Variants in PLD1 observed in about 807,000 individuals in gnomAD.
PLD1 encodes choline phosphatase 1.
PLD1 carries 112 observed loss-of-function variants against 137.1 expected under a neutral mutation model. The ratio of observed to expected loss-of-function variants is 0.82; its 90% CI spans 0.70 to 0.96. The LOEUF is 0.96. Ranked by LOEUF, PLD1 falls within the 40% of genes least tolerant of loss-of-function variation. The pLI, the probability that PLD1 is intolerant of heterozygous loss-of-function variation, is 0.00. For missense variants in PLD1, 1,321 were observed against 1,342.0 expected, an observed-to-expected ratio of 0.98 and a Z score of 0.24; for synonymous variants, 431 against 454.7, an observed-to-expected ratio of 0.95 and a Z score of 0.66.
At chr3:171,762,980 A>C (rs1255669056) in intron 1 of PLD1, among the ~76,000 whole-genome samples, 3 of 152,162 alleles carry the variant, frequency 2.0e-5, no homozygotes, top group African/African-American at 7.2e-5. Flanking sequence ...GTCATTTTGG[A>C]TTCTAATTCT....
At chr3:171,678,716 T>C (rs552538824) in intron 16 of PLD1, among the ~76,000 whole-genome samples, 13 of 152,318 alleles carry the variant, frequency 8.5e-5, no homozygotes, top group Admixed American at 6.5e-4. Context: ...CCTGGAAGGT[T>C]CACATACTGC....
intron 1 of PLD1, among the ~76,000 whole-genome samples, chr3:171,751,370 TAC>T (rs75408496): frequency 6.6e-6 from 1 of 151,550 alleles, no homozygotes. Flanking sequence ...ATGGGAAAAT[TAC>T]ACACACACAC....
chr3:171,752,052 T>C (rs1486636662), intron 1 of PLD1, among the ~76,000 whole-genome samples: 15 of 151,688 alleles, frequency 9.9e-5, no homozygotes, highest in African/African-American at 3.4e-4. Flanking sequence ...AAAATATCCA[T>C]CTATCAGAGA....
chr3:171,783,098 G>A (rs1722855261), intron 1 of PLD1, among the ~76,000 whole-genome samples: 1 of 152,170 alleles, frequency 6.6e-6, no homozygotes, highest in African/African-American at 2.4e-5. Context: ...GGCTGAAAGA[G>A]AGAGTCTGGG....
At chr3:171,618,726 G>A (rs1005851431) in intron 24 of PLD1, among the ~76,000 whole-genome samples, 223 of 130,662 alleles carry the variant, frequency 1.7e-3, no homozygotes, top group African/African-American at 7.9e-3. Context: ...GTGTATGTGT[G>A]TGTGTGTGTG....
At chr3:171,673,288 C>CT (rs569232492) in intron 19 of PLD1, among the ~76,000 whole-genome samples, 7,815 of 146,914 alleles carry the variant, frequency 0.053, 619 homozygotes, top group African/African-American at 0.18. Context: ...AGCAGCTTAT[C>CT]TTTTTTTTTT....
intron 8 of PLD1, among the ~76,000 whole-genome samples, chr3:171,719,126 G>T (rs184645477): frequency 1.3e-5 from 2 of 152,012 alleles, no homozygotes; most frequent in African/African-American, 4.8e-5. Context: ...GTTCCTCTGC[G>T]TAAAAACTGT....
chr3:171,674,504 A>T lies in PLD1; in HGVS notation c.2225T>A (p.Val742Glu). 6.5e-7 allele frequency: 1 copy of T among 1,543,476 alleles called. No homozygotes were observed. Among genetic ancestry groups the T allele is most frequent in the Non-Finnish European group, 8.9e-7 (1 of 1,122,792 alleles). ...YQVPGSVHAN[V>E]QLLRSAADWS... ...GAAAAGCCAGAACTTACTTACCTGTACGTTAGCATGGACAGACCCAGGCAC... is the reference window on the plus strand; with the variant it reads ...GAAAAGCCAGAACTTACTTACCTGTTCGTTAGCATGGACAGACCCAGGCAC... The change falls in exon 19 of 27, where the codon GTA becomes GAA. Residue 742 changes from valine to glutamate, a missense_variant. Physicochemically the swap from Val to Glu is moderately radical, Grantham distance 121 (BLOSUM62 -2). Transcript: ENST00000351298.
chr3:171,737,802 A>G (rs1719479652), intron 2 of PLD1, 90 bp downstream of exon 2: 1 of 1,448,152 alleles, frequency 6.9e-7, no homozygotes, highest in Non-Finnish European at 9.4e-7. Flanking sequence ...TGCAAGGAAA[A>G]TCAATCATTT....
chr3:171,782,630 CT>C (rs201323202), intron 1 of PLD1, among the ~76,000 whole-genome samples: 2,145 of 152,072 alleles, frequency 0.014, 30 homozygotes, highest in Non-Finnish European at 0.021. Flanking sequence ...GGGTGTTCAC[CT>C]TAACATTCTT....
At chr3:171,611,942 T>C (rs570229763) in intron 25 of PLD1, among the ~76,000 whole-genome samples, 213 of 152,102 alleles carry the variant, frequency 1.4e-3, no homozygotes, top group African/African-American at 5.0e-3. Context: ...ATTAGCTGGG[T>C]GTGGTGACAC....
intron 20 of PLD1, 53 bp downstream of exon 20, chr3:171,662,007 T>C (rs1003169076): frequency 1.0e-5 from 10 of 976,848 alleles, no homozygotes; most frequent in Non-Finnish European, 4.9e-6. Context: ...AATCTCTGCA[T>C]GATATTTAAG....
chr3:171,654,940 A>G (rs183959990), intron 21 of PLD1, among the ~76,000 whole-genome samples: 1 of 152,322 alleles, frequency 6.6e-6, no homozygotes, highest in Non-Finnish European at 1.5e-5. Context: ...AGAAGGAACC[A>G]GAGGAAGTGA....
intron 24 of PLD1, among the ~76,000 whole-genome samples, chr3:171,618,195 G>T (rs1034006599): frequency 1.4e-4 from 22 of 152,168 alleles, no homozygotes; most frequent in African/African-American, 5.3e-4. Context: ...AGTTTCAAGA[G>T]AATGTGTAAG....
chr3:171,630,763 A>G (rs1162828417), intron 23 of PLD1, among the ~76,000 whole-genome samples: 1 of 149,348 alleles, frequency 6.7e-6, no homozygotes, highest in Non-Finnish European at 1.5e-5. Context: ...CTATCGCAAG[A>G]ACAAAAAACC....
At chr3:171,756,359 T>C (rs927843738) in intron 1 of PLD1, among the ~76,000 whole-genome samples, 12 of 152,318 alleles carry the variant, frequency 7.9e-5, no homozygotes, top group African/African-American at 2.9e-4. Flanking sequence ...CTATCACAAA[T>C]TTATATTCTG....
chr3:171,648,240 TGTG>T (rs767437620), intron 21 of PLD1, among the ~76,000 whole-genome samples: 113 of 152,168 alleles, frequency 7.4e-4, no homozygotes, highest in Non-Finnish European at 1.3e-3. Context: ...TGCTGGGTCA[TGTG>T]GTCATTCTAT....
At position 171,714,050 on chromosome 3, in the gene PLD1, A is replaced by C; in HGVS notation, c.759-5T>G. The C allele has an allele frequency of 1.3e-6, 2 of 1,565,158 alleles. No homozygotes were observed. The highest frequency in any genetic ancestry group is 8.8e-7 in the Non-Finnish European group (1 of 1,138,230). On this transcript the variant is annotated splice_polypyrimidine_tract_variant and splice_region_variant and intron_variant, in intron 8 of 26. Coordinates refer to ENST00000351298, the MANE Select transcript of PLD1 (RefSeq NM_002662.5). ...GAATCTTTCACTATTAACCATCTGT[A>C]AGAAGGTAGTAAGTATTTTTAAAAG...
Position 171,714,065 on chromosome 3 carries a change from A to C in PLD1, c.759-20T>G. Reference sequence around the variant, plus strand: ...AACCATCTGTAAGAAGGTAGTAAGTATTTTTAAAAGTTGCATTGAGTAAAT... The same window carrying C: ...AACCATCTGTAAGAAGGTAGTAAGTCTTTTTAAAAGTTGCATTGAGTAAAT... On this transcript the variant is annotated intron_variant, in intron 8 of 26. Transcript: ENST00000351298. The C allele has an allele frequency of 6.6e-7, 1 of 1,526,710 alleles. No homozygotes were observed. The highest frequency in any genetic ancestry group is 1.4e-5 in the African/African-American group (1 of 72,990). 94.6% of individuals were successfully genotyped at this position (1,526,710 alleles called of 1,614,324 possible).
Sources: allele counts gnomAD v4.1 joint callset (sites outside exome capture counted in the v4.1 genomes callset), GRCh38; gene constraint gnomAD v4.1.1; transcripts MANE v1.5; gene names NCBI Gene and HGNC (gene_info 2026-07-23, HGNC 2026-07-21).